The following NIPSNAP2 variants were observed in gnomAD, a reference collection of about 807,000 sequenced individuals.
NIPSNAP2 encodes the protein nipsnap homolog 2, also known as protein NipSnap homolog 2.
In NIPSNAP2, 42 loss-of-function variants were observed where a neutral mutation model predicts 48.4. The observed-to-expected ratio is 0.87, with a 90% confidence interval of 0.68 to 1.12. The LOEUF (loss-of-function observed/expected upper bound fraction) is 1.12, where lower values mean the gene tolerates loss of function less well. Among genes scored for constraint, NIPSNAP2 ranks in the 50% most tolerant of loss-of-function variants. NIPSNAP2 has a pLI of 0.00. For missense variants in NIPSNAP2, 314 were observed against 347.3 expected (o/e 0.90, Z 0.76); for synonymous variants, 158 against 126.6 (o/e 1.25, Z -1.67).
intron 5 of NIPSNAP2, 46 bp downstream of exon 5, chr7:55,982,326 GT>G: frequency 9.2e-7 from 1 of 1,086,972 alleles, no homozygotes; most frequent in Non-Finnish European, 1.4e-6. Context: ...ATATATAGAT[GT>G]TAGTACAGAA....
chr7:55,974,276 G>C (rs1371386738), intron 1 of NIPSNAP2, among the ~76,000 whole-genome samples: 2 of 150,434 alleles, frequency 1.3e-5, no homozygotes, highest in Non-Finnish European at 1.5e-5. Context: ...AAGAAAGAAA[G>C]AAAGAAAGAA....
At chr7:55,976,522 C>T (rs1487145451) in intron 1 of NIPSNAP2, among the ~76,000 whole-genome samples, 1 of 152,182 alleles carries the variant, frequency 6.6e-6, no homozygotes, top group African/African-American at 2.4e-5. Flanking sequence ...TGCCACACTG[C>T]CCTCTTGGGA....
At chr7:55,979,809 G>C (rs562978898) in intron 3 of NIPSNAP2, 2 of 456,578 alleles carry the variant, frequency 4.4e-6, no homozygotes, top group Non-Finnish European at 8.8e-6. Flanking sequence ...CTGGTTTTTA[G>C]GGGTCCCAAT....
chr7:55,983,997 A>ATATATATGTAT (rs1787275952), intron 6 of NIPSNAP2, 129 bp downstream of exon 6: 1 of 675,846 alleles, frequency 1.5e-6, no homozygotes, highest in Non-Finnish European at 2.2e-6. Context: ...ATATATATGT[A>ATATATATGTAT]TTTTTTTAAG....
At chr7:55,968,137 C>T (rs927085867) in intron 1 of NIPSNAP2, among the ~76,000 whole-genome samples, 2 of 152,104 alleles carry the variant, frequency 1.3e-5, no homozygotes, top group African/African-American at 2.4e-5. Context: ...AGAAAGATCT[C>T]TATGACACAA....
At chr7:55,997,472 A>G in intron 9 of NIPSNAP2, 23 bp downstream of exon 9, 2 of 1,559,884 alleles carry the variant, frequency 1.3e-6, no homozygotes, top group African/African-American at 1.4e-5. Flanking sequence ...CAGCCATGAA[A>G]TATGCTTTTT....
At chr7:55,982,926 C>A (rs1787247045) in intron 5 of NIPSNAP2, among the ~76,000 whole-genome samples, 1 of 151,920 alleles carries the variant, frequency 6.6e-6, no homozygotes, top group Non-Finnish European at 1.5e-5. Flanking sequence ...AGTTTGAGAC[C>A]AGCGTGGCCA....
chr7:55,972,092 G>T (rs1787024606), intron 1 of NIPSNAP2, among the ~76,000 whole-genome samples: 1 of 152,100 alleles, frequency 6.6e-6, no homozygotes, highest in African/African-American at 2.4e-5. Context: ...GATCACCTGA[G>T]GTCAGGGGTT....
intron 9 of NIPSNAP2, among the ~76,000 whole-genome samples, chr7:55,998,456 A>G (rs1386366072): frequency 7.6e-6 from 1 of 130,874 alleles, no homozygotes; most frequent in Non-Finnish European, 1.6e-5. Flanking sequence ...GACTTTTCCT[A>G]CCTCCCACAA....
rs116941369 is a variant in NIPSNAP2, at chr7:55,989,650, A to C, written c.617+4772A>C. On this transcript the variant is annotated intron_variant, in intron 7 of 9. Transcript: ENST00000322090. ...AAAAAAGCCTCAATAATTAAGAGGG[A>C]TGCAAGAATAAATTATTGACCATTG... Among the ~76,000 whole-genome samples the C allele has an allele frequency of 9.2e-5, 14 of 152,056 alleles. No homozygotes were observed. The East Asian group carries it at 2.7e-3, about 30-fold the overall frequency.
At chr7:55,966,438 C>T (rs1485648943) in intron 1 of NIPSNAP2, among the ~76,000 whole-genome samples, 1 of 151,936 alleles carries the variant, frequency 6.6e-6, no homozygotes, top group Non-Finnish European at 1.5e-5. Context: ...GGAACTCTGT[C>T]CCTAATAATA....
At position 55,984,898 on chromosome 7, in the gene NIPSNAP2, G is replaced by T; in HGVS notation, c.617+20G>T. The stretch of plus-strand genomic sequence containing the variant: ...TTACTGGTGAGTATATTACTGAATG[G>T]TGATTTTTTAAGTCTTGTGAATAGA... On this transcript the variant is annotated intron_variant, in intron 7 of 9. Coordinates refer to ENST00000322090, the MANE Select transcript of NIPSNAP2 (RefSeq NM_001483.3). 6.3e-7 allele frequency: 1 copy of T among 1,595,478 alleles called. No homozygotes were observed. Among genetic ancestry groups the T allele is most frequent in the Non-Finnish European group, 8.6e-7 (1 of 1,167,930 alleles).
Position 55,964,588 on chromosome 7 carries a change from G to T in NIPSNAP2, c.-22G>T. Reference sequence around the variant, plus strand: ...GCGTCAGCGGCGGCGCCCGGGCGGTGGGAGCCGAGGCGCCGAGCAAGATGG... The same window carrying T: ...GCGTCAGCGGCGGCGCCCGGGCGGTTGGAGCCGAGGCGCCGAGCAAGATGG... On this transcript the variant is annotated 5_prime_UTR_variant, in exon 1 of 10. Coordinates refer to ENST00000322090, the MANE Select transcript of NIPSNAP2 (RefSeq NM_001483.3). The T allele has an allele frequency of 1.0e-6, 1 of 990,340 alleles. No homozygotes were observed. Among genetic ancestry groups the T allele is most frequent in the Non-Finnish European group, 1.2e-6 (1 of 831,830 alleles). The allele number at this position is 990,340 out of a possible 1,614,324, so 61.3% of individuals were successfully genotyped here.
At chr7:55,981,259 G>T in intron 3 of NIPSNAP2, 1 of 401,620 alleles carries the variant, frequency 2.5e-6, no homozygotes, top group South Asian at 4.1e-5. Flanking sequence ...AGATAGTTGG[G>T]GTATCAGAAA....
chr7:55,986,630 A>G (rs915911762), intron 7 of NIPSNAP2, among the ~76,000 whole-genome samples: 2 of 152,080 alleles, frequency 1.3e-5, no homozygotes, highest in African/African-American at 2.4e-5. Context: ...CCATTGCACT[A>G]TAGCCTGGGT....
At chr7:55,974,506 C>G (rs1787070778) in intron 1 of NIPSNAP2, among the ~76,000 whole-genome samples, 1 of 151,644 alleles carries the variant, frequency 6.6e-6, no homozygotes, top group Admixed American at 6.6e-5. Context: ...TTAATGTTTA[C>G]CTGGTGGTAT....
rs1285926722 is a variant in NIPSNAP2, at chr7:55,999,039, C to T, written c.828C>T (p.Ile276=). 1 of 1,614,046 alleles carries T rather than the reference C, an allele frequency of 6.2e-7. No homozygotes were observed. Among genetic ancestry groups the T allele is most frequent in the South Asian group, 1.1e-5 (1 of 91,080 alleles). ...VPLIQEMESR[I]MIPLKTSPLQ The stretch of plus-strand genomic sequence containing the variant: ...TTATTCAGGAAATGGAATCCAGAAT[C>T]ATGATCCCACTGAAGACCTCGCCCC... Residue 276 remains isoleucine (I), a synonymous_variant, in exon 10 of 10, where the codon ATC becomes ATT. Transcript: ENST00000322090.
At chr7:55,966,413 C>T (rs569141238) in intron 1 of NIPSNAP2, among the ~76,000 whole-genome samples, 1 of 152,190 alleles carries the variant, frequency 6.6e-6, no homozygotes, top group East Asian at 1.9e-4. Context: ...TTGAGACCAG[C>T]CTGGGCAACA....
chr7:55,988,496 C>G (rs1480476246), intron 7 of NIPSNAP2, among the ~76,000 whole-genome samples: 1 of 152,016 alleles, frequency 6.6e-6, no homozygotes, highest in Non-Finnish European at 1.5e-5. Context: ...AGAAAGTGGA[C>G]CCTTCCGATA....
Sources: allele counts gnomAD v4.1 joint callset (sites outside exome capture counted in the v4.1 genomes callset), GRCh38; gene constraint gnomAD v4.1.1; transcripts MANE v1.5; gene names NCBI Gene and HGNC (gene_info 2026-07-23, HGNC 2026-07-21).